Variants in INSC observed in about 807,000 individuals in gnomAD.
INSC encodes INSC spindle orientation adaptor protein.
A neutral mutation model predicts 58.6 loss-of-function variants in INSC; 67 were observed. That is an observed-to-expected ratio of 1.14 (90% CI 0.94 to 1.40). The LOEUF is 1.40. Among genes scored for constraint, INSC ranks in the 40% most tolerant of loss-of-function variants. The pLI is 0.00. For missense variants in INSC, 714 were observed against 692.0 expected, an observed-to-expected ratio of 1.03 and a Z score of -0.36; for synonymous variants, 262 against 276.1, an observed-to-expected ratio of 0.95 and a Z score of 0.51.
downstream of INSC, among the ~76,000 whole-genome samples, chr11:15,247,940 A>G (rs1324584723): frequency 6.6e-6 from 1 of 152,074 alleles, no homozygotes; most frequent in Non-Finnish European, 1.5e-5. Flanking sequence ...CCTTGAAGAG[A>G]CGGACTCGCT....
intron 2 of INSC, among the ~76,000 whole-genome samples, chr11:15,161,368 A>T (rs1849013756): frequency 6.6e-6 from 1 of 152,218 alleles, no homozygotes; most frequent in South Asian, 2.1e-4. Flanking sequence ...TGGAACACCA[A>T]ATGTTAAGTG....
chr11:15,231,427 A>C (rs1222514394), intron 9 of INSC, among the ~76,000 whole-genome samples: 2 of 152,228 alleles, frequency 1.3e-5, no homozygotes, highest in African/African-American at 4.8e-5. Flanking sequence ...AAAAAATCTC[A>C]TAATGTTTTA....
chr11:15,228,356 G>T (rs1323422544), intron 9 of INSC, among the ~76,000 whole-genome samples: 1 of 152,166 alleles, frequency 6.6e-6, no homozygotes, highest in African/African-American at 2.4e-5. Context: ...TCAGGGTAGG[G>T]AGAGAATGTG....
At chr11:15,146,948 C>G (rs1476599672) in intron 1 of INSC, among the ~76,000 whole-genome samples, 3 of 152,100 alleles carry the variant, frequency 2.0e-5, no homozygotes, top group Non-Finnish European at 2.9e-5. Flanking sequence ...CCTACAGTTT[C>G]CTCTTGGTTC....
chr11:15,227,897 C>A (rs1422203334), intron 9 of INSC, among the ~76,000 whole-genome samples: 4 of 152,174 alleles, frequency 2.6e-5, no homozygotes, highest in Admixed American at 2.6e-4. Flanking sequence ...CCTACAAGAT[C>A]CAGTAGTGAG....
chr11:15,223,956 G>T (rs1197426918), intron 8 of INSC, among the ~76,000 whole-genome samples: 1 of 152,200 alleles, frequency 6.6e-6, no homozygotes, highest in Non-Finnish European at 1.5e-5. Context: ...TGGAAGCATT[G>T]CTGGGAATAA....
chr11:15,150,990 G>A (rs1223361888), intron 2 of INSC, among the ~76,000 whole-genome samples: 1 of 152,116 alleles, frequency 6.6e-6, no homozygotes, highest in Non-Finnish European at 1.5e-5. Flanking sequence ...TGCTTTAAAG[G>A]GTAGTAGAAG....
chr11:15,157,554 G>T (rs1315701433), intron 2 of INSC, among the ~76,000 whole-genome samples: 1 of 152,204 alleles, frequency 6.6e-6, no homozygotes, highest in African/African-American at 2.4e-5. Context: ...GAACTGCTCT[G>T]TGTAATCAGA....
the INSC span, among the ~76,000 whole-genome samples, chr11:15,261,300 C>G: frequency 6.6e-6 from 1 of 152,086 alleles, no homozygotes; most frequent in African/African-American, 2.4e-5. Context: ...CTTTCTATAC[C>G]CCATACTAGC....
chr11:15,116,855 C>CTT (rs1564853703), intron 1 of INSC, among the ~76,000 whole-genome samples: 1 of 25,702 alleles, frequency 3.9e-5, no homozygotes, highest in Admixed American at 4.2e-4. Flanking sequence ...CTTTCTCTCT[C>CTT]TCTCTCTCTC....
intron 8 of INSC, among the ~76,000 whole-genome samples, chr11:15,222,205 G>A (rs965306051): frequency 6.6e-6 from 1 of 152,138 alleles, no homozygotes; most frequent in South Asian, 2.1e-4. Context: ...TCATAGATCC[G>A]TATCTAAAAT....
intron 7 of INSC, among the ~76,000 whole-genome samples, chr11:15,219,899 C>T (rs547317302): frequency 9.8e-5 from 15 of 152,312 alleles, no homozygotes; most frequent in South Asian, 6.2e-4. Flanking sequence ...TAGGCCCAAA[C>T]GAGGCCTCTC....
intron 1 of INSC, among the ~76,000 whole-genome samples, chr11:15,136,004 A>C (rs1848236740): frequency 6.6e-6 from 1 of 152,126 alleles, no homozygotes; most frequent in Non-Finnish European, 1.5e-5. Flanking sequence ...CCACTTATGT[A>C]AGGCCTTTTT....
At chr11:15,112,385 C>A (rs1847588573), upstream of INSC, 4 of 1,205,974 alleles carry the variant, frequency 3.3e-6, no homozygotes, top group African/African-American at 1.5e-5. Context: ...AGGGCCATGG[C>A]CCAGAAGGGT....
intron 12 of INSC, among the ~76,000 whole-genome samples, chr11:15,243,920 T>A (rs1852459942): frequency 6.6e-6 from 1 of 151,794 alleles, no homozygotes; most frequent in Non-Finnish European, 1.5e-5. Context: ...CTCTTTTTTA[T>A]ACTTGGTCTT....
chr11:15,248,127 A>G (rs1384111842), downstream of INSC, among the ~76,000 whole-genome samples: 1 of 152,224 alleles, frequency 6.6e-6, no homozygotes, highest in East Asian at 1.9e-4. Context: ...GCTTTGGCAT[A>G]CAGTAGAAGT....
rs776501388 is a variant in INSC, at chr11:15,245,873, C to T, written c.1471-39C>T. 9 of 1,600,420 alleles carry T rather than the reference C, an allele frequency of 5.6e-6. No homozygotes were observed. The South Asian group carries it at 1.0e-4, about 18-fold the overall frequency. ...AGGAAATACATGTACCTGACATGGC[C>T]CAGTCTGACACGTGTCACCTCTTCT... On this transcript the variant is annotated intron_variant, in intron 12 of 12. Coordinates refer to ENST00000379556, the MANE Select transcript of INSC (RefSeq NM_001042536.3).
chr11:15,125,458 C>T (rs553812886), intron 1 of INSC, among the ~76,000 whole-genome samples: 2 of 152,248 alleles, frequency 1.3e-5, no homozygotes, highest in East Asian at 1.9e-4. Flanking sequence ...TAGATTGTTA[C>T]TGGGAGGAGA....
upstream of INSC, among the ~76,000 whole-genome samples, chr11:15,111,574 G>T (rs1436926416): frequency 6.6e-6 from 1 of 152,160 alleles, no homozygotes; most frequent in East Asian, 1.9e-4. Flanking sequence ...TAAGCTATTT[G>T]TGGGTACACC....
Sources: gnomAD v4.1 joint callset for allele counts (sites outside exome capture counted in the v4.1 genomes callset) on GRCh38, gnomAD v4.1.1 for gene constraint, MANE v1.5 for transcripts, NCBI Gene and HGNC (gene_info 2026-07-23, HGNC 2026-07-21) for gene names.